Variants in XPNPEP3 observed in about 807,000 individuals in gnomAD.
XPNPEP3 encodes X-prolyl aminopeptidase 3.
A neutral mutation model predicts 60.0 loss-of-function variants in XPNPEP3; 41 were observed. The observed-to-expected ratio is 0.68, with a 90% CI of 0.53 to 0.89. The LOEUF (loss-of-function observed/expected upper bound fraction) is 0.89. Among genes scored for constraint, XPNPEP3 ranks in the 40% least tolerant of loss-of-function variants. XPNPEP3 has a pLI of 0.00. For missense variants in XPNPEP3, 598 were observed against 638.9 expected (o/e 0.94, Z 0.69); for synonymous variants, 212 against 223.2 (o/e 0.95, Z 0.45).
intron 7 of XPNPEP3, among the ~76,000 whole-genome samples, chr22:40,920,371 A>G (rs1210180982): frequency 2.0e-5 from 3 of 152,134 alleles, no homozygotes; most frequent in Non-Finnish European, 4.4e-5. Context: ...CTCCATCTCA[A>G]AAAAAGAAAA....
intron 1 of XPNPEP3, chr22:40,862,528 T>C: frequency 4.1e-6 from 4 of 985,522 alleles, no homozygotes; most frequent in Non-Finnish European, 4.8e-6. Context: ...CAGAGGGAGA[T>C]ACAAACAAGT....
chr22:40,915,404 GTC>G (rs2146275505), intron 7 of XPNPEP3, among the ~76,000 whole-genome samples: 1 of 152,038 alleles, frequency 6.6e-6, no homozygotes, highest in South Asian at 2.1e-4. Flanking sequence ...GTGAAACCCT[GTC>G]TCTACTAAAA....
At chr22:40,903,493 ATTTT>A in intron 4 of XPNPEP3, among the ~76,000 whole-genome samples, 1 of 142,148 alleles carries the variant, frequency 7.0e-6, no homozygotes, top group Admixed American at 7.1e-5. Flanking sequence ...CAAGTCATTG[ATTTT>A]TTTTTTTTTT....
rs1870799856 is a variant in XPNPEP3 at position 40,928,064 on chromosome 22, C to A, written c.*1629C>A. ...TAGCGCCCAGTTTTCAGAGAAGTAC[C>A]CCTGTTATCATTCTGTGATTTCCTC... On this transcript the variant is annotated 3_prime_UTR_variant, in exon 10 of 10. Transcript: ENST00000357137. The A allele has an allele frequency of 6.6e-6, 1 of 151,994 alleles. No homozygotes were observed. The highest frequency in any genetic ancestry group is 2.4e-5 in the African/African-American group (1 of 41,374). The allele number at this position is 151,994 out of a possible 1,614,324, so 9.4% of individuals were successfully genotyped here.
chr22:40,872,989 T>G (rs531772025), intron 2 of XPNPEP3, among the ~76,000 whole-genome samples: 7 of 152,208 alleles, frequency 4.6e-5, no homozygotes, highest in African/African-American at 1.7e-4. Flanking sequence ...TGGTATAGTT[T>G]GGAATGCTAG....
rs1277841279 is a variant in XPNPEP3 at position 40,928,182 on chromosome 22, G to C, written c.*1747G>C. 1 of 150,124 alleles carries C rather than the reference G, an allele frequency of 6.7e-6. No homozygotes were observed. The highest frequency in any genetic ancestry group is 1.5e-5 in the Non-Finnish European group (1 of 67,748). The allele number at this position is 150,124 out of a possible 1,614,324, so 9.3% of individuals were successfully genotyped here. ...CTTTGATACTAGCACTGGGAGTGCA[G>C]TGGTAAAGAGTCATACTTCTTTTTT... On this transcript the variant is annotated 3_prime_UTR_variant, in exon 10 of 10. Transcript: ENST00000357137.
intron 1 of XPNPEP3, among the ~76,000 whole-genome samples, chr22:40,865,681 T>A (rs1377111139): frequency 1.4e-5 from 2 of 142,170 alleles, no homozygotes; most frequent in East Asian, 2.1e-4. Context: ...AATACCACAC[T>A]CTTTTTTTGT....
At chr22:40,900,176 G>T (rs1248784457) in intron 4 of XPNPEP3, among the ~76,000 whole-genome samples, 1 of 152,030 alleles carries the variant, frequency 6.6e-6, no homozygotes, top group Admixed American at 6.6e-5. Context: ...CCTTAGATTT[G>T]CCAAAGGATT....
intron 3 of XPNPEP3, among the ~76,000 whole-genome samples, chr22:40,884,260 A>G (rs554706701): frequency 4.0e-5 from 6 of 151,740 alleles, no homozygotes; most frequent in Non-Finnish European, 8.8e-5. Context: ...TCTACTGTCT[A>G]AGTTTTATTA....
Position 40,865,311 on chromosome 22 carries a change from G to A in XPNPEP3, c.65-3688G>A, listed in dbSNP as rs6002184. 1.6e-3 allele frequency among the ~76,000 whole-genome samples: 227 copies of A among 146,128 alleles called. 3 individuals carry two copies. Among genetic ancestry groups the A allele is most frequent in the African/African-American group, 5.4e-3 (213 of 39,342 alleles). ...TGTATTTTGAAGCACTTGCCACACT[G>A]TGAGCCCTCCTCACTTTTTTTTTTT... On this transcript the variant is annotated intron_variant, in intron 1 of 9. Transcript: ENST00000357137.
intron 7 of XPNPEP3, among the ~76,000 whole-genome samples, chr22:40,916,491 T>C (rs748262473): frequency 1.3e-5 from 2 of 152,102 alleles, no homozygotes; most frequent in African/African-American, 2.4e-5. Context: ...TTTCAAACTT[T>C]CCAAATTGTC....
rs757659319 is a variant in XPNPEP3, at chr22:40,863,481, A to C, written c.65-5518A>C. 7.1e-4 allele frequency among the ~76,000 whole-genome samples: 108 copies of C among 152,212 alleles called. 1 individual carries two copies. Among genetic ancestry groups the C allele is most frequent in the Non-Finnish European group, 1.6e-4 (11 of 68,030 alleles). Reference sequence around the variant, plus strand: ...ATACGCTAATGAAATCTAAAACTGTAGTGTATGCTTCTAGTCTTTCAAGAC... The same window carrying C: ...ATACGCTAATGAAATCTAAAACTGTCGTGTATGCTTCTAGTCTTTCAAGAC... On this transcript the variant is annotated intron_variant, in intron 1 of 9. Coordinates refer to ENST00000357137, the MANE Select transcript of XPNPEP3 (RefSeq NM_022098.4).
Position 40,932,068 on chromosome 22 carries a change from C to A in XPNPEP3, c.*5633C>A, listed in dbSNP as rs909320068. The A allele has an allele frequency of 6.6e-6, 1 of 152,156 alleles. No homozygotes were observed. The highest frequency in any genetic ancestry group is 6.5e-5 in the Admixed American group (1 of 15,268). 9.4% of individuals were successfully genotyped at this position (152,156 alleles called of 1,614,324 possible). ...GTGAAGCACAAATGCTGCTTCTCCC[C>A]CTCCTGTTCCCATGTCAGAGATGGA... is the stretch of plus-strand genomic sequence containing the variant. On this transcript the variant is annotated 3_prime_UTR_variant, in exon 10 of 10. Transcript: ENST00000357137.
intron 4 of XPNPEP3, among the ~76,000 whole-genome samples, chr22:40,893,033 TATC>T (rs1365977954): frequency 6.6e-6 from 1 of 150,722 alleles, no homozygotes; most frequent in African/African-American, 2.4e-5. Context: ...GTTAGATTAT[TATC>T]CATTGATTTT....
intron 4 of XPNPEP3, among the ~76,000 whole-genome samples, chr22:40,903,060 G>A (rs2058140918): frequency 6.6e-6 from 1 of 152,196 alleles, no homozygotes; most frequent in Non-Finnish European, 1.5e-5. Context: ...TGGAGACCCA[G>A]TACAAAGCAT....
chr22:40,872,775 A>G (rs1197836238), intron 2 of XPNPEP3, among the ~76,000 whole-genome samples: 1 of 151,976 alleles, frequency 6.6e-6, no homozygotes, highest in East Asian at 1.9e-4. Context: ...TACAGATTAT[A>G]TTATATTATC....
chr22:40,862,009 T>A (rs1269659828), intron 1 of XPNPEP3: 3 of 1,569,454 alleles, frequency 1.9e-6, no homozygotes, highest in Admixed American at 1.9e-5. Context: ...TAACAGATAG[T>A]TGGAAGTGGG....
intron 2 of XPNPEP3, among the ~76,000 whole-genome samples, chr22:40,875,402 A>T (rs548357969): frequency 1.3e-5 from 2 of 152,270 alleles, no homozygotes; most frequent in East Asian, 3.9e-4. Flanking sequence ...TAATTTTTTT[A>T]AATCACTGTA....
intron 1 of XPNPEP3, chr22:40,862,046 TC>T: frequency 6.5e-7 from 1 of 1,534,902 alleles, no homozygotes; most frequent in Non-Finnish European, 8.7e-7. Context: ...AACCGTGGTT[TC>T]CTCAGCTCAG....
Sources: allele counts gnomAD v4.1 joint callset (sites outside exome capture counted in the v4.1 genomes callset), GRCh38; gene constraint gnomAD v4.1.1; transcripts MANE v1.5; gene names NCBI Gene and HGNC (gene_info 2026-07-23, HGNC 2026-07-21).